PPP3CA: variants seen among roughly 807,000 people sequenced by gnomAD.
PPP3CA encodes the protein CAM-PRP catalytic subunit.
A neutral mutation model predicts 66.5 loss-of-function variants in PPP3CA; 14 were observed. The observed-to-expected ratio is 0.21, with a 90% confidence interval of 0.14 to 0.33. The LOEUF (loss-of-function observed/expected upper bound fraction) is 0.33, where lower values mean the gene tolerates loss of function less well. Among genes scored for constraint, PPP3CA ranks in the 10% least tolerant of loss-of-function variants. PPP3CA has a pLI of 1.00. For synonymous variants in PPP3CA, 232 were observed against 226.2 expected, an observed-to-expected ratio of 1.03 and a Z score of -0.23; for missense variants, 317 against 639.5, an observed-to-expected ratio of 0.50 and a Z score of 5.44.
intron 2 of PPP3CA, among the ~76,000 whole-genome samples, chr4:101,141,537 A>G (rs1326252379): frequency 6.6e-6 from 1 of 152,072 alleles, no homozygotes; most frequent in Non-Finnish European, 1.5e-5. Context: ...CGTCCTTTGC[A>G]CTTCCTTTAC....
intron 11 of PPP3CA, among the ~76,000 whole-genome samples, chr4:101,034,287 T>C (rs1376013031): frequency 6.6e-6 from 1 of 152,230 alleles, no homozygotes; most frequent in Non-Finnish European, 1.5e-5. Context: ...ACTCCCACTC[T>C]GCCTTCTAAT....
intron 6 of PPP3CA, among the ~76,000 whole-genome samples, chr4:101,086,006 A>C (rs1729657625): frequency 6.6e-6 from 1 of 152,192 alleles, no homozygotes; most frequent in Non-Finnish European, 1.5e-5. Context: ...GTTAGAAGAC[A>C]GTATTAGCTA....
At chr4:101,169,737 CT>C (rs5860661) in intron 2 of PPP3CA, among the ~76,000 whole-genome samples, 38,791 of 149,694 alleles carry the variant, frequency 0.26, 5,815 homozygotes, top group East Asian at 0.48. Context: ...AAGTAAATGC[CT>C]TTTTTTTTTT....
chr4:101,266,232 A>C (rs1727166107), intron 1 of PPP3CA, among the ~76,000 whole-genome samples: 1 of 152,270 alleles, frequency 6.6e-6, no homozygotes, highest in East Asian at 1.9e-4. Context: ...AACTCTGTCA[A>C]AATATGTAAA....
At chr4:101,130,428 C>T (rs1263560877) in intron 2 of PPP3CA, among the ~76,000 whole-genome samples, 1 of 152,074 alleles carries the variant, frequency 6.6e-6, no homozygotes. Context: ...TTGAGAAGAG[C>T]AACCCTAAAA....
intron 8 of PPP3CA, among the ~76,000 whole-genome samples, chr4:101,074,163 T>C (rs1184988372): frequency 6.6e-6 from 1 of 152,178 alleles, no homozygotes; most frequent in African/African-American, 2.4e-5. Flanking sequence ...CTCGTAGAAA[T>C]GGATCTTTGC....
intron 2 of PPP3CA, among the ~76,000 whole-genome samples, chr4:101,119,147 T>C (rs1159405689): frequency 6.6e-6 from 1 of 152,010 alleles, no homozygotes; most frequent in Non-Finnish European, 1.5e-5. Flanking sequence ...GTAATCAATG[T>C]GGCCATGAGT....
At chr4:101,203,763 C>T (rs1306853661) in intron 1 of PPP3CA, among the ~76,000 whole-genome samples, 1 of 152,104 alleles carries the variant, frequency 6.6e-6, no homozygotes. Context: ...CAGTCCACAA[C>T]TTCCTCTGCA....
intron 1 of PPP3CA, among the ~76,000 whole-genome samples, chr4:101,200,635 G>A (rs560065063): frequency 6.6e-6 from 1 of 152,172 alleles, no homozygotes; most frequent in Admixed American, 6.5e-5. Context: ...ATTATGCCAG[G>A]AAACATAAGT....
intron 8 of PPP3CA, among the ~76,000 whole-genome samples, chr4:101,077,436 G>A (rs1458750846): frequency 6.6e-6 from 1 of 152,104 alleles, no homozygotes; most frequent in Non-Finnish European, 1.5e-5. Flanking sequence ...CAATGATTGG[G>A]TTTTGAAGGT....
chr4:101,169,604 C>T (rs1017019116), intron 2 of PPP3CA, among the ~76,000 whole-genome samples: 20 of 152,224 alleles, frequency 1.3e-4, no homozygotes, highest in Middle Eastern at 3.4e-3. Flanking sequence ...AAGAAAGAGA[C>T]AGTTATTAAA....
intron 1 of PPP3CA, among the ~76,000 whole-genome samples, chr4:101,202,664 T>A (rs1506800): frequency 0.24 from 36,555 of 152,124 alleles, 6,815 homozygotes; most frequent in African/African-American, 0.5. Context: ...TCACTTTTAT[T>A]ATAGATATTA....
intron 1 of PPP3CA, among the ~76,000 whole-genome samples, chr4:101,294,725 G>A (rs1728141434): frequency 6.6e-6 from 1 of 151,950 alleles, no homozygotes; most frequent in African/African-American, 2.4e-5. Context: ...GTGTTGTGGG[G>A]GGAGTTCTAT....
chr4:101,263,469 C>T (rs2850971), intron 1 of PPP3CA, among the ~76,000 whole-genome samples: 52,757 of 152,008 alleles, frequency 0.35, 10,258 homozygotes, highest in East Asian at 0.67. Flanking sequence ...ACTTCCTTCA[C>T]AGAGGGCAAT....
Position 101,024,288 on chromosome 4 carries a change from A to AT in PPP3CA, c.*1576_*1577insA, listed in dbSNP as rs1430354280. 6.6e-6 allele frequency: 1 copy of AT among 152,480 alleles called. No homozygotes were observed. The highest frequency in any genetic ancestry group is 1.5e-5 in the Non-Finnish European group (1 of 68,042). The allele number at this position is 152,480 out of a possible 1,614,324, so 9.4% of individuals were successfully genotyped here. ...GAAGACACATGGTGGTTGTGCACATAAATCCCTTCAGCGGACTCAGTGGAA... is the reference window on the plus strand; with the variant it reads ...GAAGACACATGGTGGTTGTGCACATATAATCCCTTCAGCGGACTCAGTGGAA... On this transcript the variant is annotated 3_prime_UTR_variant, in exon 14 of 14. Transcript: ENST00000394854.
At chr4:101,262,885 T>G (rs1291356291) in intron 1 of PPP3CA, among the ~76,000 whole-genome samples, 1 of 152,144 alleles carries the variant, frequency 6.6e-6, no homozygotes, top group Non-Finnish European at 1.5e-5. Flanking sequence ...GTTAACCCTG[T>G]GGCCCTTGTA....
chr4:101,113,013 T>C (rs1267693650), intron 2 of PPP3CA, among the ~76,000 whole-genome samples: 1 of 152,138 alleles, frequency 6.6e-6, no homozygotes, highest in African/African-American at 2.4e-5. Flanking sequence ...GATTTTGAGA[T>C]ACCCTTGTGA....
chr4:101,281,681 T>G (rs1357017539), intron 1 of PPP3CA, among the ~76,000 whole-genome samples: 2 of 152,180 alleles, frequency 1.3e-5, no homozygotes, highest in Non-Finnish European at 2.9e-5. Context: ...GGTTAAACAT[T>G]CAGCATCCAA....
intron 1 of PPP3CA, among the ~76,000 whole-genome samples, chr4:101,265,065 GAATT>G (rs1727128730): frequency 6.6e-6 from 1 of 152,084 alleles, no homozygotes; most frequent in Non-Finnish European, 1.5e-5. Context: ...ATATCCATAA[GAATT>G]TGGCTGAATT....
Sources: allele counts gnomAD v4.1 joint callset (sites outside exome capture counted in the v4.1 genomes callset), GRCh38; gene constraint gnomAD v4.1.1; transcripts MANE v1.5; gene names NCBI Gene and HGNC (gene_info 2026-07-23, HGNC 2026-07-21).